CAMK2D: variants seen among roughly 807,000 people sequenced by gnomAD.
The protein encoded by CAMK2D is calcium/calmodulin-dependent protein kinase type II subunit delta.
CAMK2D carries 37 observed loss-of-function variants against 84.0 expected under a neutral mutation model. The ratio of observed to expected loss-of-function variants is 0.44; its 90% CI spans 0.34 to 0.58. CAMK2D has a LOEUF of 0.58. Ranked by LOEUF, CAMK2D falls within the 20% of genes least tolerant of loss-of-function variation. The pLI is 0.02. For missense variants in CAMK2D, 448 were observed against 652.5 expected (o/e 0.69, Z 3.41); for synonymous variants, 202 against 212.5 (o/e 0.95, Z 0.43).
intron 3 of CAMK2D, among the ~76,000 whole-genome samples, chr4:113,617,519 TAC>T (rs2099026264): frequency 1.3e-5 from 2 of 151,944 alleles, no homozygotes; most frequent in African/African-American, 4.8e-5. Flanking sequence ...TATCTTACTG[TAC>T]TCTCTGAACC....
At chr4:113,627,704 G>A (rs528591296) in intron 3 of CAMK2D, among the ~76,000 whole-genome samples, 6 of 152,272 alleles carry the variant, frequency 3.9e-5, no homozygotes, top group African/African-American at 1.4e-4. Context: ...GCAAGGAAAA[G>A]CACCAAAACA....
chr4:113,495,248 C>A (rs2154144068), intron 16 of CAMK2D, among the ~76,000 whole-genome samples: 1 of 152,306 alleles, frequency 6.6e-6, no homozygotes, highest in East Asian at 1.9e-4. Context: ...CACTACACTA[C>A]AGTTTCCTCT....
intron 4 of CAMK2D, among the ~76,000 whole-genome samples, chr4:113,590,258 T>C (rs774460093): frequency 2.6e-5 from 4 of 152,176 alleles, no homozygotes; most frequent in Non-Finnish European, 4.4e-5. Context: ...CAAATATAGA[T>C]AGAGATCTAT....
chr4:113,482,681 GA>G (rs943625075), intron 16 of CAMK2D, among the ~76,000 whole-genome samples: 5 of 152,130 alleles, frequency 3.3e-5, no homozygotes, highest in Admixed American at 3.3e-4. Flanking sequence ...TGTTTTTAAA[GA>G]AAACACAATT....
At position 113,618,670 on chromosome 4, in the gene CAMK2D, A is replaced by T. The variant is rs571425289; in HGVS notation, c.221-9464T>A. ...CCTCTATATATCTATTTTTATGATG[A>T]AAGCACTTAAAATATCAGTTTATTT... is the stretch of plus-strand genomic sequence containing the variant. On this transcript the variant is annotated intron_variant, in intron 3 of 20. Transcript: ENST00000511664. Among the ~76,000 whole-genome samples, 14 of 152,300 alleles carry T rather than the reference A, an allele frequency of 9.2e-5. No individual in the cohort carries two copies. The South Asian group carries it at 2.3e-3, about 25-fold the overall frequency.
At chr4:113,584,703 C>A (rs868336729) in intron 4 of CAMK2D, among the ~76,000 whole-genome samples, 1 of 152,022 alleles carries the variant, frequency 6.6e-6, no homozygotes, top group Non-Finnish European at 1.5e-5. Flanking sequence ...ATGCTCACCC[C>A]TTAGATAAGG....
intron 16 of CAMK2D, among the ~76,000 whole-genome samples, chr4:113,478,993 C>T (rs11942899): frequency 0.34 from 51,615 of 151,818 alleles, 9,087 homozygotes; most frequent in Middle Eastern, 0.4. Context: ...TGTGTTTTGC[C>T]AGACAGACAT....
intron 4 of CAMK2D, among the ~76,000 whole-genome samples, chr4:113,570,614 A>G (rs1347215127): frequency 6.6e-6 from 1 of 152,320 alleles, no homozygotes; most frequent in Admixed American, 6.5e-5. Context: ...GAATGAAATT[A>G]GACATTCATA....
chr4:113,753,870 G>A, intron 2 of CAMK2D: 1 of 984,458 alleles, frequency 1.0e-6, no homozygotes, highest in Non-Finnish European at 1.2e-6. Context: ...TATATGAAAG[G>A]CTTTCTTTAT....
Position 113,515,246 on chromosome 4 carries a change from A to G in CAMK2D, c.697-55T>C, listed in dbSNP as rs2098269836. 5 of 1,253,876 alleles carry G rather than the reference A, an allele frequency of 4.0e-6. No homozygotes were observed. In the South Asian group the frequency reaches 7.1e-5, roughly 18 times the overall value. 77.7% of individuals were successfully genotyped at this position (1,253,876 alleles called of 1,614,324 possible). ...AAAAAATAGACACACTCGATCAAAC[A>G]GGGAAGAGTCAACTACATGAATCAT... On this transcript the variant is annotated intron_variant, in intron 9 of 20. Transcript: ENST00000511664.
chr4:113,460,999 T>G (rs2097366412), intron 17 of CAMK2D, among the ~76,000 whole-genome samples: 1 of 152,146 alleles, frequency 6.6e-6, no homozygotes, highest in South Asian at 2.1e-4. Context: ...TTGGAATAAT[T>G]TTTGATGGAC....
At chr4:113,617,635 T>C (rs1409092076) in intron 3 of CAMK2D, among the ~76,000 whole-genome samples, 1 of 149,142 alleles carries the variant, frequency 6.7e-6, no homozygotes, top group Non-Finnish European at 1.5e-5. Context: ...TGATGAAGAG[T>C]TGTTACTTCT....
At chr4:113,703,791 C>G (rs2099430145) in intron 2 of CAMK2D, among the ~76,000 whole-genome samples, 1 of 152,176 alleles carries the variant, frequency 6.6e-6, no homozygotes, top group Non-Finnish European at 1.5e-5. Flanking sequence ...AACACTACAA[C>G]TGGATAAGAA....
In CAMK2D at chr4:113,526,506, T is replaced by G. The variant is rs528867890; in HGVS notation, c.601+4710A>C. ...AATATTTGCTTAACACCTAACAAAA[T>G]GTTATATAGTTTAGAAAACAAAGAT... On this transcript the variant is annotated intron_variant, in intron 8 of 20. Transcript: ENST00000511664. Among the ~76,000 whole-genome samples the G allele has an allele frequency of 5.9e-5, 9 of 151,936 alleles. No homozygotes were observed. The East Asian group carries it at 1.7e-3, about 29-fold the overall frequency.
rs185619000 is a variant in CAMK2D, at chr4:113,452,669, A to G, written c.*1876T>C. 6.6e-6 allele frequency: 1 copy of G among 152,618 alleles called. No individual in the cohort carries two copies. Among genetic ancestry groups the G allele is most frequent in the East Asian group, 1.9e-4 (1 of 5,176 alleles). The allele number at this position is 152,618 out of a possible 1,614,324, so 9.5% of individuals were successfully genotyped here. ...TAAAAGTGTAAAAAAAACACTCTAC[A>G]TCTATTTTTTTTTCTTTAAATACAT... is the stretch of plus-strand genomic sequence containing the variant. On this transcript the variant is annotated 3_prime_UTR_variant, in exon 21 of 21. Coordinates refer to ENST00000511664, the MANE Select transcript of CAMK2D (RefSeq NM_001321571.2).
intron 2 of CAMK2D, chr4:113,677,543 T>C (rs1465249017): frequency 1.0e-6 from 1 of 979,908 alleles, no homozygotes; most frequent in African/African-American, 1.8e-5. Flanking sequence ...CTTACTTCCG[T>C]CAGACATGAG....
intron 16 of CAMK2D, among the ~76,000 whole-genome samples, chr4:113,470,371 C>G (rs752387213): frequency 6.6e-6 from 1 of 152,164 alleles, no homozygotes; most frequent in Admixed American, 6.5e-5. Context: ...CTGGGCCAGG[C>G]GCGGTGGCTC....
chr4:113,549,848 G>C (rs570457875), intron 5 of CAMK2D, among the ~76,000 whole-genome samples: 100 of 152,212 alleles, frequency 6.6e-4, no homozygotes, highest in African/African-American at 2.3e-3. Context: ...TCATGACTAT[G>C]ATTTTCTAGC....
At chr4:113,566,143 T>C (rs1380756509) in intron 4 of CAMK2D, among the ~76,000 whole-genome samples, 1 of 152,160 alleles carries the variant, frequency 6.6e-6, no homozygotes, top group African/African-American at 2.4e-5. Flanking sequence ...TTTTTCACAA[T>C]GGAAAGTAGC....
Sources: allele counts gnomAD v4.1 joint callset (sites outside exome capture counted in the v4.1 genomes callset), GRCh38; gene constraint gnomAD v4.1.1; transcripts MANE v1.5; gene names NCBI Gene and HGNC (gene_info 2026-07-23, HGNC 2026-07-21).